GNA12: variants seen among roughly 807,000 people sequenced by gnomAD.
The protein encoded by GNA12 is guanine nucleotide-binding protein subunit alpha-12.
Under a neutral mutation model 26.0 loss-of-function variants are expected in GNA12, and 9 were observed. The observed-to-expected ratio is 0.35, with a 90% CI of 0.21 to 0.60. GNA12 has a LOEUF of 0.60. Ranked by LOEUF, GNA12 falls within the 20% of genes least tolerant of loss-of-function variation. The pLI is 0.78. For synonymous variants in GNA12, 264 were observed against 219.6 expected (o/e 1.20, Z -1.79); for missense variants, 405 against 525.8 (o/e 0.77, Z 2.25).
At chr7:2,829,713 C>G (rs1252501038) in intron 1 of GNA12, among the ~76,000 whole-genome samples, 4 of 152,210 alleles carry the variant, frequency 2.6e-5, no homozygotes, top group Non-Finnish European at 5.9e-5. Context: ...TAGTTTTCCT[C>G]TCGCCCTCTT....
intron 2 of GNA12, among the ~76,000 whole-genome samples, chr7:2,770,495 C>T (rs1425315944): frequency 1.3e-5 from 2 of 152,070 alleles, no homozygotes; most frequent in East Asian, 3.9e-4. Context: ...GTGGTGCACA[C>T]CTGTAGTCTC....
At chr7:2,825,132 C>A (rs1398549392) in intron 1 of GNA12, among the ~76,000 whole-genome samples, 2 of 152,236 alleles carry the variant, frequency 1.3e-5, no homozygotes, top group Non-Finnish European at 2.9e-5. Context: ...TAAATCCAGG[C>A]ACCCAACAGG....
At chr7:2,735,078 C>T (rs2115298287) in intron 2 of GNA12, among the ~76,000 whole-genome samples, 1 of 151,642 alleles carries the variant, frequency 6.6e-6, no homozygotes, top group East Asian at 1.9e-4. Context: ...CACACCCTGA[C>T]AGGAAGCAGC....
Position 2,795,113 on chromosome 7 carries a change from T to G in GNA12, c.340A>C (p.Lys114Gln). ...GAATACTGCCAAGGAATGCCAAGCT[T>G]ATCTCGTGCATCAACAAGAACCCTT... ...GSRVLVDARD[K>Q]LGIPWQYSEN... is the part of the protein sequence containing the mutation. Residue 114 changes from lysine (K) to glutamine (Q), a missense_variant, in exon 2 of 4, where the codon AAG becomes CAG. Coordinates refer to ENST00000275364, the MANE Select transcript of GNA12 (RefSeq NM_007353.3). The G allele has an allele frequency of 6.2e-7, 1 of 1,613,594 alleles. No homozygotes were observed. The highest frequency in any genetic ancestry group is 8.5e-7 in the Non-Finnish European group (1 of 1,179,592).
intron 1 of GNA12, among the ~76,000 whole-genome samples, chr7:2,823,921 CCTTTA>C (rs1793423756): frequency 6.6e-6 from 1 of 152,084 alleles, no homozygotes; most frequent in Non-Finnish European, 1.5e-5. Context: ...AAATAAATCC[CCTTTA>C]ATTAGAGAGA....
chr7:2,816,140 C>T (rs368997904), intron 1 of GNA12, among the ~76,000 whole-genome samples: 1 of 152,122 alleles, frequency 6.6e-6, no homozygotes, highest in East Asian at 1.9e-4. Context: ...TCACAGGGAA[C>T]GGATCAGCAA....
At chr7:2,774,013 T>C (rs1277044212) in intron 2 of GNA12, among the ~76,000 whole-genome samples, 1 of 151,728 alleles carries the variant, frequency 6.6e-6, no homozygotes, top group East Asian at 1.9e-4. Context: ...AACACAGGAG[T>C]AAATACCGTG....
intron 1 of GNA12, among the ~76,000 whole-genome samples, chr7:2,820,709 T>C (rs1793330798): frequency 6.6e-6 from 1 of 152,158 alleles, no homozygotes; most frequent in Admixed American, 6.5e-5. Context: ...CCCTGTAATC[T>C]TCCAAAGAGG....
At chr7:2,842,818 T>C (rs1779037255) in intron 1 of GNA12, among the ~76,000 whole-genome samples, 1 of 152,230 alleles carries the variant, frequency 6.6e-6, no homozygotes, top group Non-Finnish European at 1.5e-5. Flanking sequence ...CCTCATCTTT[T>C]AGCCACTCAT....
chr7:2,735,042 G>A (rs1790094807), intron 2 of GNA12, among the ~76,000 whole-genome samples: 2 of 152,172 alleles, frequency 1.3e-5, no homozygotes, highest in Non-Finnish European at 2.9e-5. Flanking sequence ...AAGTCCCCCC[G>A]GTCCTCTGCA....
At chr7:2,746,748 T>G (rs1790781819) in intron 2 of GNA12, among the ~76,000 whole-genome samples, 1 of 151,644 alleles carries the variant, frequency 6.6e-6, no homozygotes, top group Admixed American at 6.6e-5. Flanking sequence ...TTTGAAAAGA[T>G]CAACAAAACT....
intron 2 of GNA12, among the ~76,000 whole-genome samples, chr7:2,738,144 C>T (rs901656492): frequency 1.3e-5 from 2 of 152,084 alleles, no homozygotes; most frequent in African/African-American, 2.4e-5. Context: ...GTAAGAGGAC[C>T]AGGCGTGGTG....
At chr7:2,746,541 C>T (rs1790772070) in intron 2 of GNA12, among the ~76,000 whole-genome samples, 1 of 151,868 alleles carries the variant, frequency 6.6e-6, no homozygotes, top group African/African-American at 2.4e-5. Flanking sequence ...AAATTTATAG[C>T]ACTAAATGCC....
At chr7:2,834,989 G>C (rs1176327804) in intron 1 of GNA12, among the ~76,000 whole-genome samples, 1 of 152,190 alleles carries the variant, frequency 6.6e-6, no homozygotes, top group African/African-American at 2.4e-5. Context: ...TGCGATGCGT[G>C]ACTATACATC....
intron 2 of GNA12, among the ~76,000 whole-genome samples, chr7:2,736,694 T>G (rs566894417): frequency 1.3e-5 from 2 of 152,110 alleles, no homozygotes; most frequent in African/African-American, 4.8e-5. Flanking sequence ...CCTTCAGCAG[T>G]TTCTGGAAGC....
intron 1 of GNA12, chr7:2,814,830 C>A: frequency 6.4e-7 from 1 of 1,572,414 alleles, no homozygotes; most frequent in East Asian, 2.4e-5. Context: ...TCCTGTGCTC[C>A]CGACAGCACC....
At chr7:2,833,541 C>T (rs1778742441) in intron 1 of GNA12, among the ~76,000 whole-genome samples, 1 of 152,180 alleles carries the variant, frequency 6.6e-6, no homozygotes. Flanking sequence ...AGCCAGGGGA[C>T]AAGACCAATC....
chr7:2,739,164 T>G (rs1790371150), intron 2 of GNA12, among the ~76,000 whole-genome samples: 1 of 152,158 alleles, frequency 6.6e-6, no homozygotes, highest in Non-Finnish European at 1.5e-5. Flanking sequence ...TCCTTTATGT[T>G]TTCATTAGGT....
chr7:2,797,932 ATACT>A (rs1023567543), intron 1 of GNA12, among the ~76,000 whole-genome samples: 82 of 152,366 alleles, frequency 5.4e-4, no homozygotes, highest in Middle Eastern at 3.4e-3. Flanking sequence ...GATAAAAAAA[ATACT>A]TACCACCCAC....
Sources: gnomAD v4.1 joint callset for allele counts (sites outside exome capture counted in the v4.1 genomes callset) on GRCh38, gnomAD v4.1.1 for gene constraint, MANE v1.5 for transcripts, NCBI Gene and HGNC (gene_info 2026-07-23, HGNC 2026-07-21) for gene names.